The following TEAD1 variants were observed in gnomAD, a reference collection of about 807,000 sequenced individuals.
The protein encoded by TEAD1 is transcriptional enhancer factor TEF-1.
TEAD1 carries 9 observed loss-of-function variants against 54.9 expected under a neutral mutation model. The ratio of observed to expected loss-of-function variants is 0.16; its 90% CI spans 0.10 to 0.29. The LOEUF (loss-of-function observed/expected upper bound fraction) is 0.29, where lower values mean the gene tolerates loss of function less well. Ranked by LOEUF, TEAD1 falls within the 10% of genes least tolerant of loss-of-function variation. The pLI is 1.00. For synonymous variants in TEAD1, 200 were observed against 187.8 expected, an observed-to-expected ratio of 1.07 and a Z score of -0.53; for missense variants, 387 against 535.9, an observed-to-expected ratio of 0.72 and a Z score of 2.74.
At chr11:12,882,029 C>G in intron 8 of TEAD1, 72 bp downstream of exon 8, 1 of 1,529,910 alleles carries the variant, frequency 6.5e-7, no homozygotes, top group Non-Finnish European at 9.0e-7. Flanking sequence ...GCACTTTGTT[C>G]CCAGAGTCAA....
intron 12 of TEAD1, 128 bp from the exon 13 acceptor site, chr11:12,936,979 CAG>C (rs775073534): frequency 1.1e-4 from 71 of 666,608 alleles, no homozygotes; most frequent in Admixed American, 1.6e-4. Context: ...TTAGAGGACA[CAG>C]AGTGAGGCTG....
chr11:12,681,849 G>A (rs1943229290), intron 2 of TEAD1, among the ~76,000 whole-genome samples: 1 of 152,186 alleles, frequency 6.6e-6, no homozygotes, highest in Non-Finnish European at 1.5e-5. Flanking sequence ...GTCATTCAGG[G>A]CACATAGATC....
intron 12 of TEAD1, among the ~76,000 whole-genome samples, chr11:12,936,308 A>G (rs904476560): frequency 1.1e-4 from 17 of 152,192 alleles, no homozygotes; most frequent in African/African-American, 3.9e-4. Flanking sequence ...GAGGGATTCA[A>G]GAGACTGGAG....
chr11:12,744,221 C>T (rs189888732), intron 2 of TEAD1, among the ~76,000 whole-genome samples: 5 of 152,208 alleles, frequency 3.3e-5, no homozygotes, highest in Admixed American at 2.6e-4. Flanking sequence ...GTGTGAGAGG[C>T]GCACAGCCTC....
chr11:12,814,510 T>C (rs1456811227), intron 3 of TEAD1, among the ~76,000 whole-genome samples: 1 of 152,164 alleles, frequency 6.6e-6, no homozygotes, highest in Non-Finnish European at 1.5e-5. Flanking sequence ...CCTTTGGCTT[T>C]AGGAAGCCTG....
intron 10 of TEAD1, among the ~76,000 whole-genome samples, chr11:12,920,563 C>T (rs534357698): frequency 8.0e-4 from 122 of 152,234 alleles, no homozygotes; most frequent in African/African-American, 2.8e-3. Flanking sequence ...GTCTCAAACT[C>T]CTGGGCTTAA....
intron 3 of TEAD1, among the ~76,000 whole-genome samples, chr11:12,860,363 T>G (rs1033982847): frequency 2.6e-5 from 4 of 152,198 alleles, no homozygotes; most frequent in Non-Finnish European, 4.4e-5. Context: ...ATGGATGACC[T>G]AGGGGTACTT....
At chr11:12,802,453 G>A (rs1946078659) in intron 3 of TEAD1, among the ~76,000 whole-genome samples, 1 of 152,100 alleles carries the variant, frequency 6.6e-6, no homozygotes, top group African/African-American at 2.4e-5. Context: ...AGCCCATAAA[G>A]TAAAATATAT....
intron 3 of TEAD1, among the ~76,000 whole-genome samples, chr11:12,821,835 C>T (rs1246341751): frequency 6.6e-6 from 1 of 152,070 alleles, no homozygotes; most frequent in East Asian, 1.9e-4. Context: ...TCATGGAACA[C>T]ACATGTCAGC....
chr11:12,912,699 CT>C (rs1948639439), intron 10 of TEAD1, among the ~76,000 whole-genome samples: 1 of 152,160 alleles, frequency 6.6e-6, no homozygotes, highest in African/African-American at 2.4e-5. Context: ...AGCACAAGAG[CT>C]TACATTGCTT....
At chr11:12,896,368 A>G (rs986398067) in intron 9 of TEAD1, among the ~76,000 whole-genome samples, 2 of 152,122 alleles carry the variant, frequency 1.3e-5, no homozygotes, top group Non-Finnish European at 2.9e-5. Flanking sequence ...GTTAGGCCCC[A>G]TCTCTTTTTA....
chr11:12,677,242 C>G (rs1824886610), intron 2 of TEAD1, among the ~76,000 whole-genome samples: 1 of 152,036 alleles, frequency 6.6e-6, no homozygotes, highest in South Asian at 2.1e-4. Context: ...GGGAGGACAT[C>G]CCAATTTAGT....
At chr11:12,800,829 C>A (rs1946043008) in intron 3 of TEAD1, among the ~76,000 whole-genome samples, 1 of 152,226 alleles carries the variant, frequency 6.6e-6, no homozygotes. Context: ...AGGCTAGTCT[C>A]ATAGATTTCT....
At chr11:12,708,175 C>G (rs942515366) in intron 2 of TEAD1, among the ~76,000 whole-genome samples, 19 of 151,654 alleles carry the variant, frequency 1.3e-4, no homozygotes. Flanking sequence ...GAGCCTGTAG[C>G]TTCTCTCTAT....
intron 9 of TEAD1, among the ~76,000 whole-genome samples, chr11:12,891,733 A>G (rs1207132906): frequency 2.0e-5 from 3 of 152,212 alleles, no homozygotes; most frequent in African/African-American, 7.2e-5. Context: ...GACTATTTGA[A>G]CTTTGTCTGA....
chr11:12,795,015 A>T (rs1446324564), intron 3 of TEAD1, among the ~76,000 whole-genome samples: 2 of 152,170 alleles, frequency 1.3e-5, no homozygotes, highest in Admixed American at 6.5e-5. Context: ...CTGCCATAAC[A>T]CAATAGTGTA....
rs536192657 is a variant in TEAD1, at chr11:12,761,448, G to A, written c.-54-2731G>A. On this transcript the variant is annotated intron_variant, in intron 2 of 12. Transcript: ENST00000527636. ...ATTCAGAAGAATCTTCCCATCTTTG[G>A]GCTGTGGGCTGAGGCTAAAAATGAT... is the stretch of plus-strand genomic sequence containing the variant. 3.3e-5 allele frequency among the ~76,000 whole-genome samples: 5 copies of A among 152,242 alleles called. No homozygotes were observed. The East Asian group carries it at 9.6e-4, about 29-fold the overall frequency.
intron 3 of TEAD1, among the ~76,000 whole-genome samples, chr11:12,797,208 T>G (rs1945950305): frequency 6.6e-6 from 1 of 152,260 alleles, no homozygotes; most frequent in Middle Eastern, 3.2e-3. Context: ...TTTTAATTCT[T>G]CAACATAGAC....
At chr11:12,751,285 C>CAAA (rs67548037) in intron 2 of TEAD1, among the ~76,000 whole-genome samples, 5 of 112,616 alleles carry the variant, frequency 4.4e-5, no homozygotes, top group African/African-American at 1.5e-4. Context: ...CAACCTGACT[C>CAAA]AAAAAAAAAA....
Sources: gnomAD v4.1 joint callset for allele counts (sites outside exome capture counted in the v4.1 genomes callset) on GRCh38, gnomAD v4.1.1 for gene constraint, MANE v1.5 for transcripts, NCBI Gene and HGNC (gene_info 2026-07-23, HGNC 2026-07-21) for gene names.